Variants in DLGAP1 observed in about 807,000 individuals in gnomAD.
The protein encoded by DLGAP1 is disks large-associated protein 1.
A neutral mutation model predicts 90.8 loss-of-function variants in DLGAP1; 11 were observed. The observed-to-expected ratio is 0.12, with a 90% CI of 0.08 to 0.20. The LOEUF (loss-of-function observed/expected upper bound fraction) is 0.20. Among genes scored for constraint, DLGAP1 ranks in the 10% least tolerant of loss-of-function variants. The pLI is 1.00. For synonymous variants in DLGAP1, 558 were observed against 540.7 expected (o/e 1.03, Z -0.44); for missense variants, 1,050 against 1,333.8 (o/e 0.79, Z 3.31).
rs558241011 is a variant in DLGAP1 at position 3,825,524 on chromosome 18, A to G, written c.958-11251T>C. ...ATCACTTCATTTGTGTGGATTCAAC[A>G]TAGTACTCAGGGTTCAGCAAATTCA... On this transcript the variant is annotated intron_variant, in intron 4 of 12. Transcript: ENST00000315677. 1.1e-4 allele frequency among the ~76,000 whole-genome samples: 17 copies of G among 152,338 alleles called. 1 individual carries two copies. In the East Asian group the frequency reaches 3.1e-3, roughly 28 times the overall value.
At position 4,324,603 on chromosome 18, in the gene DLGAP1, G is replaced by T. The variant is rs112188783; in HGVS notation, c.-267+130403C>A. Among the ~76,000 whole-genome samples the T allele has an allele frequency of 4.8e-3, 729 of 151,906 alleles. 10 individuals carry two copies. Among genetic ancestry groups the T allele is most frequent in the African/African-American group, 0.017 (687 of 41,424 alleles). On this transcript the variant is annotated intron_variant, in intron 1 of 12. Transcript: ENST00000315677. ...CAGGCAATAACCTTGATGAACATAG[G>T]TGCAAAAATCCTCAACAAAATACTA...
chr18:3,784,430 T>C (rs541851129), intron 5 of DLGAP1, among the ~76,000 whole-genome samples: 4 of 152,332 alleles, frequency 2.6e-5, no homozygotes, highest in East Asian at 1.9e-4. Context: ...TAAGCTGTTA[T>C]AGTCTCTGGA....
At position 3,709,214 on chromosome 18, in the gene DLGAP1, AGCT is replaced by A. The variant is rs566974102; in HGVS notation, c.1591+19918_1591+19920del. 2.7e-3 allele frequency among the ~76,000 whole-genome samples: 411 copies of A among 152,252 alleles called. 1 individual carries two copies. The highest frequency in any genetic ancestry group is 9.5e-3 in the African/African-American group (394 of 41,556). ...GTCCTGGGCCTAAATAAAATGAGAA[AGCT>A]GCCGTGCAACCTGACATGCACTCCA... On this transcript the variant is annotated intron_variant, in intron 7 of 12. Coordinates refer to ENST00000315677, the MANE Select transcript of DLGAP1 (RefSeq NM_004746.4).
At chr18:3,882,241 G>A (rs2071191109) in intron 3 of DLGAP1, among the ~76,000 whole-genome samples, 1 of 151,770 alleles carries the variant, frequency 6.6e-6, no homozygotes, top group Non-Finnish European at 1.5e-5. Context: ...TTCTGGTTGA[G>A]TATTTACGCA....
rs1441095000 is a variant in DLGAP1, at chr18:3,720,888, C to CCAAAAAAAAAAAAAAAAAAAAAAAAA, written c.1591+8246_1591+8247insTTTTTTTTTTTTTTTTTTTTTTTTTG. Among the ~76,000 whole-genome samples, 161 of 50,296 alleles carry CCAAAAAAAAAAAAAAAAAAAAAAAAA rather than the reference C, an allele frequency of 3.2e-3. 17 individuals carry two copies. Among genetic ancestry groups the CCAAAAAAAAAAAAAAAAAAAAAAAAA allele is most frequent in the African/African-American group, 9.5e-3 (119 of 12,480 alleles). 33.0% of individuals were successfully genotyped at this position (50,296 alleles called of 152,430 possible). ...GCAACATACTAAGACCTTGTCTCTACAAAAAAAAAAAAAAAAAAAAATTAG... is the reference window on the plus strand; with the variant it reads ...GCAACATACTAAGACCTTGTCTCTACCAAAAAAAAAAAAAAAAAAAAAAAAAAAAAAAAAAAAAAAAAAAAAATTAG... On this transcript the variant is annotated intron_variant, in intron 7 of 12. Coordinates refer to ENST00000315677, the MANE Select transcript of DLGAP1 (RefSeq NM_004746.4).
chr18:4,110,966 T>A (rs2075961704), intron 2 of DLGAP1, among the ~76,000 whole-genome samples: 1 of 152,142 alleles, frequency 6.6e-6, no homozygotes, highest in African/African-American at 2.4e-5. Flanking sequence ...GACTTACAAA[T>A]CCTTTTTCCT....
Position 3,835,655 on chromosome 18 carries a change from A to AG in DLGAP1, c.958-21383_958-21382insC, listed in dbSNP as rs562205293. On this transcript the variant is annotated intron_variant, in intron 4 of 12. Coordinates refer to ENST00000315677, the MANE Select transcript of DLGAP1 (RefSeq NM_004746.4). Reference sequence around the variant, plus strand: ...AGAGCAAGGCTCCGTCTCAAAAAAAAAAAAAAAAAGAAAATATCCTCCTTT... The same window carrying AG: ...AGAGCAAGGCTCCGTCTCAAAAAAAAGAAAAAAAAAGAAAATATCCTCCTTT... Among the ~76,000 whole-genome samples, 188 of 152,088 alleles carry AG rather than the reference A, an allele frequency of 1.2e-3. 2 individuals carry two copies. The Middle Eastern group carries it at 0.017, about 14-fold the overall frequency.
intron 3 of DLGAP1, among the ~76,000 whole-genome samples, chr18:3,893,298 C>T (rs530261425): frequency 3.9e-5 from 6 of 152,094 alleles, no homozygotes; most frequent in Admixed American, 1.3e-4. Flanking sequence ...AATCATTGGC[C>T]GGGTGTGGTG....
intron 4 of DLGAP1, among the ~76,000 whole-genome samples, chr18:3,818,024 A>AGGAG (rs2067190418): frequency 6.6e-6 from 1 of 152,226 alleles, no homozygotes. Context: ...GCACCAGCTT[A>AGGAG]GGAGGGGGTT....
rs73941270 is a variant in DLGAP1, at chr18:4,184,955, A to G, written c.-266-33668T>C. ...TCCCTGACTCCTTTGATGTTCTATG[A>G]ACACTTTAATACGTTAGAGATCACT... On this transcript the variant is annotated intron_variant, in intron 1 of 12. Coordinates refer to ENST00000315677, the MANE Select transcript of DLGAP1 (RefSeq NM_004746.4). Among the ~76,000 whole-genome samples, 1,156 of 152,236 alleles carry G rather than the reference A, an allele frequency of 7.6e-3. 11 individuals carry two copies. The highest frequency in any genetic ancestry group is 0.026 in the African/African-American group (1,064 of 41,562).
chr18:4,404,039 C>G (rs368417679), intron 1 of DLGAP1, among the ~76,000 whole-genome samples: 3 of 152,260 alleles, frequency 2.0e-5, no homozygotes, highest in African/African-American at 7.2e-5. Context: ...CCAAATTGCT[C>G]TCAGGATCAG....
intron 2 of DLGAP1, among the ~76,000 whole-genome samples, chr18:4,016,312 A>G (rs1599331117): frequency 1.3e-5 from 2 of 152,264 alleles, no homozygotes; most frequent in Admixed American, 6.5e-5. Flanking sequence ...CAGACCACCA[A>G]GGCAGCCGCT....
At chr18:3,785,437 T>G (rs1018495240) in intron 5 of DLGAP1, among the ~76,000 whole-genome samples, 1 of 152,200 alleles carries the variant, frequency 6.6e-6, no homozygotes, top group Non-Finnish European at 1.5e-5. Flanking sequence ...TTTATTCTAA[T>G]GTGCATAGCA....
At chr18:3,664,516 T>C (rs1003639415) in intron 7 of DLGAP1, among the ~76,000 whole-genome samples, 1 of 152,148 alleles carries the variant, frequency 6.6e-6, no homozygotes, top group Non-Finnish European at 1.5e-5. Flanking sequence ...TCTACTAATA[T>C]TGAATGCAGA....
At chr18:3,504,306 C>T (rs772411971) in intron 11 of DLGAP1, among the ~76,000 whole-genome samples, 15 of 152,104 alleles carry the variant, frequency 9.9e-5, no homozygotes, top group Non-Finnish European at 1.9e-4. Flanking sequence ...CAGACACTTA[C>T]AAACTTTAAA....
intron 5 of DLGAP1, among the ~76,000 whole-genome samples, chr18:3,753,591 A>C (rs2063590379): frequency 6.6e-6 from 1 of 152,172 alleles, no homozygotes; most frequent in Non-Finnish European, 1.5e-5. Flanking sequence ...TGCATGTTAC[A>C]GGGATGTGTG....
intron 3 of DLGAP1, among the ~76,000 whole-genome samples, chr18:3,952,902 T>G (rs146771773): frequency 6.6e-6 from 1 of 152,350 alleles, no homozygotes; most frequent in East Asian, 1.9e-4. Context: ...ACCTTCTTGA[T>G]GTCCAGGGCC....
chr18:4,404,727 G>T (rs1042668820), intron 1 of DLGAP1, among the ~76,000 whole-genome samples: 1 of 151,948 alleles, frequency 6.6e-6, no homozygotes, highest in African/African-American at 2.4e-5. Context: ...TGAAATCAGA[G>T]ATTATAATAA....
intron 10 of DLGAP1, among the ~76,000 whole-genome samples, chr18:3,515,579 G>A (rs187647805): frequency 1.3e-5 from 2 of 151,864 alleles, no homozygotes; most frequent in East Asian, 3.9e-4. Flanking sequence ...AGGAGTTCGA[G>A]ACCAGCCTAG....
Sources: allele counts gnomAD v4.1 joint callset (sites outside exome capture counted in the v4.1 genomes callset), GRCh38; gene constraint gnomAD v4.1.1; transcripts MANE v1.5; gene names NCBI Gene and HGNC (gene_info 2026-07-23, HGNC 2026-07-21).